The following PLEKHA6 variants were observed in gnomAD, a reference collection of about 807,000 sequenced individuals.
PLEKHA6 encodes pleckstrin homology domain-containing family A member 6.
In PLEKHA6, 60 loss-of-function variants were observed where a neutral mutation model predicts 116.7. That is an observed-to-expected ratio of 0.51 (90% confidence interval 0.42 to 0.64). The LOEUF (loss-of-function observed/expected upper bound fraction) is 0.64, where lower values mean the gene tolerates loss of function less well. PLEKHA6 is among the 30% of genes least tolerant of loss of function. The pLI is 0.00. For missense variants in PLEKHA6, 1,338 were observed against 1,422.7 expected, an observed-to-expected ratio of 0.94 and a Z score of 0.96; for synonymous variants, 489 against 556.1, an observed-to-expected ratio of 0.88 and a Z score of 1.70.
chr1:204,286,480 C>T (rs533743533), intron 1 of PLEKHA6, among the ~76,000 whole-genome samples: 11 of 152,204 alleles, frequency 7.2e-5, no homozygotes, highest in South Asian at 4.2e-4. Flanking sequence ...GGACAGAAGC[C>T]GGCCTCCATA....
chr1:204,233,957 G>A (rs1166843561), intron 17 of PLEKHA6, among the ~76,000 whole-genome samples: 7 of 152,174 alleles, frequency 4.6e-5, no homozygotes, highest in African/African-American at 1.7e-4. Context: ...TATTTTGCAA[G>A]TGAAATGGGC....
chr1:204,278,275 A>G (rs983649945), intron 1 of PLEKHA6, among the ~76,000 whole-genome samples: 5 of 152,218 alleles, frequency 3.3e-5, no homozygotes, highest in African/African-American at 1.2e-4. Flanking sequence ...TTCTGTAAAG[A>G]GTTCTAGCAA....
chr1:204,289,362 G>A (rs1251231230), intron 1 of PLEKHA6, among the ~76,000 whole-genome samples: 1 of 152,114 alleles, frequency 6.6e-6, no homozygotes, highest in Admixed American at 6.5e-5. Context: ...GGCCCCAGAG[G>A]AGTGATTTGG....
intron 1 of PLEKHA6, among the ~76,000 whole-genome samples, chr1:204,336,819 C>G (rs1348473756): frequency 1.3e-5 from 2 of 152,194 alleles, no homozygotes; most frequent in Non-Finnish European, 2.9e-5. Context: ...ATCACAAAAG[C>G]TAGCAACTGC....
Position 204,228,224 on chromosome 1 carries a change from G to T in PLEKHA6, c.2890C>A (p.Gln964Lys). The T allele has an allele frequency of 6.2e-7, 1 of 1,600,694 alleles. No individual in the cohort carries two copies. Among genetic ancestry groups the T allele is most frequent in the Non-Finnish European group, 8.5e-7 (1 of 1,171,512 alleles). Residue 964 changes from glutamine (Q) to lysine (K), a missense_variant, in exon 21 of 23, where the codon CAG becomes AAG. Around this residue, in one of 3 missense-constraint regions of PLEKHA6, gnomAD observed 1,136 missense variants for 1,163.6 expected, o/e 0.98. Coordinates refer to ENST00000272203, the MANE Select transcript of PLEKHA6 (RefSeq NM_014935.5). The surrounding 1 kb of genome is among the most constrained non-coding windows in gnomAD (Gnocchi z 4.0). ...CCCTCGCCGATGGGCACCACGTTCTGCATACTGAAGAGGCACAGACACACA... is the reference window on the plus strand; with the variant it reads ...CCCTCGCCGATGGGCACCACGTTCTTCATACTGAAGAGGCACAGACACACA... ...IKTLIAKSSM[Q>K]NVVPIGEGDS...
chr1:204,341,955 G>T (rs943556157), intron 1 of PLEKHA6, among the ~76,000 whole-genome samples: 1 of 152,198 alleles, frequency 6.6e-6, no homozygotes, highest in Non-Finnish European at 1.5e-5. Flanking sequence ...GAAAGGCTGA[G>T]GCGGGCAGAT....
intron 1 of PLEKHA6, among the ~76,000 whole-genome samples, chr1:204,342,375 G>A (rs928833385): frequency 6.6e-6 from 1 of 152,166 alleles, no homozygotes; most frequent in Non-Finnish European, 1.5e-5. Context: ...CCAAGAAATA[G>A]CTTGTGATCA....
chr1:204,263,086 A>T (rs1287391333), intron 6 of PLEKHA6, among the ~76,000 whole-genome samples: 1 of 152,158 alleles, frequency 6.6e-6, no homozygotes, highest in East Asian at 1.9e-4. Flanking sequence ...GAAGGCAAAG[A>T]CAGGCTCTTG....
intron 1 of PLEKHA6, among the ~76,000 whole-genome samples, chr1:204,329,895 A>C (rs1003533684): frequency 5.3e-5 from 8 of 152,054 alleles, no homozygotes; most frequent in Non-Finnish European, 1.2e-4. Context: ...TCTCAAAAAA[A>C]AAAAAAAGAG....
intron 1 of PLEKHA6, among the ~76,000 whole-genome samples, chr1:204,334,295 A>T (rs1012232302): frequency 4.6e-5 from 7 of 152,170 alleles, no homozygotes; most frequent in African/African-American, 1.7e-4. Flanking sequence ...AAGCCTTTGT[A>T]TCCTGCTCAG....
chr1:204,234,954 TTATATATATATATATATATATATATA>T (rs61156938), intron 17 of PLEKHA6, among the ~76,000 whole-genome samples: 260 of 18,704 alleles, frequency 0.014, 11 homozygotes, highest in East Asian at 0.071. Context: ...AAACTGCCCT[TTATATATATATATATATATATATATA>T]TATATATATA....
At chr1:204,241,869 GC>G in intron 15 of PLEKHA6, 55 bp from the exon 16 acceptor site, 1 of 1,588,018 alleles carries the variant, frequency 6.3e-7, no homozygotes, top group Non-Finnish European at 8.6e-7. Context: ...CAGGAACTTG[GC>G]CCCCAGTGAT....
At chr1:204,286,012 G>C (rs1363219664) in intron 1 of PLEKHA6, among the ~76,000 whole-genome samples, 1 of 152,074 alleles carries the variant, frequency 6.6e-6, no homozygotes, top group Non-Finnish European at 1.5e-5. Context: ...CAGGGTAGAG[G>C]AAGTACCACC....
At position 204,232,304 on chromosome 1, in the gene PLEKHA6, C is replaced by CCA. The variant is rs145753460; in HGVS notation, c.2410-1720_2410-1719dup. ...AAAAGAACCGTTAAGCCAAGAGAAA[C>CCA]CAGGGCTTTTTTATTTGGGAGGTTC... On this transcript the variant is annotated intron_variant, in intron 17 of 22. Coordinates refer to ENST00000272203, the MANE Select transcript of PLEKHA6 (RefSeq NM_014935.5). Among the ~76,000 whole-genome samples the CCA allele has an allele frequency of 5.4e-3, 822 of 152,180 alleles. 2 individuals are homozygous for CCA. Among genetic ancestry groups the CCA allele is most frequent in the African/African-American group, 0.019 (790 of 41,506 alleles).
intron 1 of PLEKHA6, among the ~76,000 whole-genome samples, chr1:204,327,364 G>A (rs1296414396): frequency 1.3e-5 from 2 of 152,162 alleles, no homozygotes; most frequent in East Asian, 3.9e-4. Flanking sequence ...GCCCACAGAG[G>A]GTGTCTTGTG....
At chr1:204,231,158 T>C (rs1661133431) in intron 17 of PLEKHA6, among the ~76,000 whole-genome samples, 1 of 152,178 alleles carries the variant, frequency 6.6e-6, no homozygotes, top group South Asian at 2.1e-4. Context: ...TACCTAAAAA[T>C]GTGGTAGAGA....
chr1:204,374,978 C>T (rs1673841176), intron 1 of PLEKHA6, among the ~76,000 whole-genome samples: 1 of 152,160 alleles, frequency 6.6e-6, no homozygotes, highest in Non-Finnish European at 1.5e-5. Context: ...GGCTTTTCTG[C>T]TGCATCCAAT....
At chr1:204,368,145 T>C (rs1673704650) in intron 2 of PLEKHA6, among the ~76,000 whole-genome samples, 1 of 152,132 alleles carries the variant, frequency 6.6e-6, no homozygotes, top group African/African-American at 2.4e-5. Flanking sequence ...CACTTATTCA[T>C]TCAACAAATC....
chr1:204,348,361 A>G (rs1050071270), intron 1 of PLEKHA6, among the ~76,000 whole-genome samples: 1 of 152,140 alleles, frequency 6.6e-6, no homozygotes, highest in South Asian at 2.1e-4. Context: ...GAAGCTGAAA[A>G]GAGAATACGC....
Sources: gnomAD v4.1 joint callset for allele counts (sites outside exome capture counted in the v4.1 genomes callset) on GRCh38, gnomAD v4.1.1 for gene constraint, gnomAD v4.1.1 regional missense constraint, Gnocchi (gnomAD v3.1) non-coding constraint, MANE v1.5 for transcripts, NCBI Gene and HGNC (gene_info 2026-07-23, HGNC 2026-07-21) for gene names.